LRRC4C: variants seen among roughly 807,000 people sequenced by gnomAD.
LRRC4C encodes the protein leucine rich repeat containing 4C.
LRRC4C carries 5 observed loss-of-function variants against 33.6 expected under a neutral mutation model. The observed-to-expected ratio is 0.15, with a 90% confidence interval of 0.08 to 0.31. LRRC4C has a LOEUF of 0.31. Among genes scored for constraint, LRRC4C ranks in the 10% least tolerant of loss-of-function variants. The pLI is 1.00. For missense variants in LRRC4C, 560 were observed against 796.7 expected (o/e 0.70, Z 3.58); for synonymous variants, 329 against 302.0 (o/e 1.09, Z -0.93).
intron 3 of LRRC4C, among the ~76,000 whole-genome samples, chr11:40,342,008 A>AC (rs1590372823): frequency 1.3e-5 from 2 of 151,998 alleles, no homozygotes; most frequent in East Asian, 1.9e-4. Flanking sequence ...CAAAAAAAAA[A>AC]AACAAAATAA....
intron 1 of LRRC4C, among the ~76,000 whole-genome samples, chr11:41,232,780 AC>A (rs1947857818): frequency 6.7e-6 from 1 of 150,192 alleles, no homozygotes; most frequent in Admixed American, 6.6e-5. Flanking sequence ...ACACACACAC[AC>A]ACGTCATAGT....
At chr11:40,693,348 A>G (rs974090562) in intron 2 of LRRC4C, among the ~76,000 whole-genome samples, 3 of 152,160 alleles carry the variant, frequency 2.0e-5, no homozygotes, top group Admixed American at 2.0e-4. Flanking sequence ...TTAGAATTCC[A>G]TTTGTACAAT....
intron 1 of LRRC4C, among the ~76,000 whole-genome samples, chr11:41,387,539 G>A (rs1953409054): frequency 1.3e-5 from 2 of 151,652 alleles, no homozygotes; most frequent in Admixed American, 1.3e-4. Context: ...CAAAGATATG[G>A]AAAAAAATAC....
At chr11:41,371,011 A>G (rs1952727473) in intron 1 of LRRC4C, among the ~76,000 whole-genome samples, 1 of 152,164 alleles carries the variant, frequency 6.6e-6, no homozygotes. Context: ...TTCCTTGCTG[A>G]GAAAGATGAA....
At position 40,834,911 on chromosome 11, in the gene LRRC4C, GAC is replaced by G. The variant is rs10682975; in HGVS notation, c.-407+98722_-407+98723del. 8.1e-3 allele frequency among the ~76,000 whole-genome samples: 685 copies of G among 84,924 alleles called. 10 individuals are homozygous for G. Among genetic ancestry groups the G allele is most frequent in the African/African-American group, 0.023 (659 of 28,846 alleles). The allele number at this position is 84,924 out of a possible 152,430, so 55.7% of individuals were successfully genotyped here. ...AGACAGACAGACAGACAGACAGACAGACACACACACACACACACACACACACA... is the reference window on the plus strand; with the variant it reads ...AGACAGACAGACAGACAGACAGACAGACACACACACACACACACACACACA... On this transcript the variant is annotated intron_variant, in intron 2 of 6. Coordinates refer to ENST00000528697, the MANE Select transcript of LRRC4C (RefSeq NM_001258419.2).
At chr11:41,095,671 A>G (rs1339377239) in intron 1 of LRRC4C, among the ~76,000 whole-genome samples, 1 of 152,208 alleles carries the variant, frequency 6.6e-6, no homozygotes, top group African/African-American at 2.4e-5. Flanking sequence ...TGGAAGGTTA[A>G]GAAGGAATAT....
intron 1 of LRRC4C, among the ~76,000 whole-genome samples, chr11:41,163,414 G>A (rs774174030): frequency 6.7e-5 from 10 of 148,882 alleles, no homozygotes; most frequent in Non-Finnish European, 1.3e-4. Flanking sequence ...TTCCTGAGTA[G>A]CTGGAATTAC....
chr11:41,135,157 C>G (rs1029918110), intron 1 of LRRC4C, among the ~76,000 whole-genome samples: 23 of 152,126 alleles, frequency 1.5e-4, no homozygotes, highest in African/African-American at 5.6e-4. Context: ...TTCTTCATCT[C>G]TGCATGACAG....
rs1019476131 is a variant in LRRC4C at position 40,692,368 on chromosome 11, C to T, written c.-406-44090G>A. Among the ~76,000 whole-genome samples the T allele has an allele frequency of 5.9e-5, 9 of 151,900 alleles. No homozygotes were observed. The East Asian group carries it at 7.7e-4, about 13-fold the overall frequency. On this transcript the variant is annotated intron_variant, in intron 2 of 6. Transcript: ENST00000528697. ...TCTCTCCACTTTCTTCACTTTCCAC[C>T]GGTTCTTTCAACACATAGAGAGGCA... is the stretch of plus-strand genomic sequence containing the variant.
At chr11:40,805,375 C>T (rs986202049) in intron 2 of LRRC4C, among the ~76,000 whole-genome samples, 5 of 152,152 alleles carry the variant, frequency 3.3e-5, no homozygotes, top group Admixed American at 6.5e-5. Flanking sequence ...TTGGACAAAT[C>T]GTCACTTACA....
In LRRC4C at chr11:40,495,380, A is replaced by G. The variant is rs12290669; in HGVS notation, c.-270+152762T>C. Among the ~76,000 whole-genome samples the G allele has an allele frequency of 2.8e-3, 423 of 152,296 alleles. 1 individual carries two copies. The highest frequency in any genetic ancestry group is 9.8e-3 in the African/African-American group (406 of 41,564). On this transcript the variant is annotated intron_variant, in intron 3 of 6. Coordinates refer to ENST00000528697, the MANE Select transcript of LRRC4C (RefSeq NM_001258419.2). ...CAGCGCCACATATTTGGAAATTTAT[A>G]TAGAGGTCAATGCTTGAAAAACATA...
At chr11:40,443,251 T>C (rs778942492) in intron 3 of LRRC4C, among the ~76,000 whole-genome samples, 1 of 152,182 alleles carries the variant, frequency 6.6e-6, no homozygotes, top group Admixed American at 6.5e-5. Context: ...TCCCCTGTAG[T>C]TGGGAAAGAC....
chr11:41,152,678 T>C (rs527436348), intron 1 of LRRC4C, among the ~76,000 whole-genome samples: 117 of 152,332 alleles, frequency 7.7e-4, no homozygotes, highest in Non-Finnish European at 1.3e-3. Flanking sequence ...TTCAAGAAAG[T>C]TCCATAATTT....
At chr11:40,477,873 G>C (rs1005476611) in intron 3 of LRRC4C, among the ~76,000 whole-genome samples, 3 of 152,140 alleles carry the variant, frequency 2.0e-5, no homozygotes, top group South Asian at 2.1e-4. Flanking sequence ...TAATTCCCAC[G>C]TGTTATGGGA....
chr11:40,888,972 C>T (rs1335986901), intron 2 of LRRC4C, among the ~76,000 whole-genome samples: 1 of 151,880 alleles, frequency 6.6e-6, no homozygotes, highest in Admixed American at 6.6e-5. Flanking sequence ...AATAAAACTA[C>T]CAAATATTAT....
intron 1 of LRRC4C, among the ~76,000 whole-genome samples, chr11:41,346,261 C>T (rs1409802116): frequency 1.3e-5 from 2 of 152,162 alleles, no homozygotes; most frequent in East Asian, 1.9e-4. Context: ...GCAAACTGCT[C>T]ACCCTTTGGA....
At chr11:40,802,831 G>A (rs968365481) in intron 2 of LRRC4C, among the ~76,000 whole-genome samples, 1 of 152,202 alleles carries the variant, frequency 6.6e-6, no homozygotes, top group Non-Finnish European at 1.5e-5. Flanking sequence ...CAGAAGTAAA[G>A]TCTATTAGTT....
chr11:40,382,123 ATTTTTTTTTTTTTTTT>A (rs77934711), intron 3 of LRRC4C, among the ~76,000 whole-genome samples: 6,330 of 100,104 alleles, frequency 0.063, 556 homozygotes, highest in African/African-American at 0.22. Context: ...TGCCCGGCTA[ATTTTTTTTTTTTTTTT>A]TTTTTTTTTT....
chr11:40,967,805 TA>T (rs1225037862), intron 1 of LRRC4C, among the ~76,000 whole-genome samples: 2 of 151,540 alleles, frequency 1.3e-5, no homozygotes, highest in Admixed American at 1.3e-4. Context: ...AATTATTCAA[TA>T]TTTTTGATAT....
Sources: allele counts gnomAD v4.1 joint callset (sites outside exome capture counted in the v4.1 genomes callset), GRCh38; gene constraint gnomAD v4.1.1; transcripts MANE v1.5; gene names NCBI Gene and HGNC (gene_info 2026-07-23, HGNC 2026-07-21).